HS6ST3: variants seen among roughly 807,000 people sequenced by gnomAD.
The protein encoded by HS6ST3 is heparan-sulfate 6-O-sulfotransferase 3.
Under a neutral mutation model 36.7 loss-of-function variants are expected in HS6ST3, and 12 were observed. The ratio of observed to expected loss-of-function variants is 0.33; its 90% CI spans 0.21 to 0.53. The LOEUF (loss-of-function observed/expected upper bound fraction) is 0.53, where lower values mean the gene tolerates loss of function less well. HS6ST3 is among the 20% of genes least tolerant of loss of function. The pLI is 0.95. For synonymous variants in HS6ST3, 240 were observed against 257.5 expected (o/e 0.93, Z 0.65); for missense variants, 584 against 640.9 (o/e 0.91, Z 0.96).
chr13:96,547,902 T>C (rs1201650022), intron 1 of HS6ST3, among the ~76,000 whole-genome samples: 2 of 151,998 alleles, frequency 1.3e-5, no homozygotes, highest in Admixed American at 6.6e-5. Context: ...CTTAGAGATT[T>C]GCTTGAAAGA....
intron 1 of HS6ST3, among the ~76,000 whole-genome samples, chr13:96,357,482 G>A (rs1159044028): frequency 1.3e-5 from 2 of 152,198 alleles, no homozygotes; most frequent in Non-Finnish European, 2.9e-5. Flanking sequence ...TGTGTCTCAG[G>A]GAATAGAGAG....
intron 1 of HS6ST3, among the ~76,000 whole-genome samples, chr13:96,779,575 A>C (rs1287757628): frequency 6.6e-6 from 1 of 152,042 alleles, no homozygotes; most frequent in Non-Finnish European, 1.5e-5. Context: ...CGAGCAGGAC[A>C]TACGTGCCAA....
intron 1 of HS6ST3, among the ~76,000 whole-genome samples, chr13:96,347,317 A>C (rs1480834743): frequency 6.6e-6 from 1 of 152,226 alleles, no homozygotes; most frequent in Non-Finnish European, 1.5e-5. Context: ...TGGAGTTGCC[A>C]ACAAAAGCAC....
intron 1 of HS6ST3, among the ~76,000 whole-genome samples, chr13:96,180,153 G>T (rs1218663064): frequency 6.6e-6 from 1 of 151,982 alleles, no homozygotes; most frequent in African/African-American, 2.4e-5. Flanking sequence ...CTGCTTTTAG[G>T]ATGCAATTGT....
chr13:96,707,689 C>A (rs915436146), intron 1 of HS6ST3, among the ~76,000 whole-genome samples: 1 of 152,124 alleles, frequency 6.6e-6, no homozygotes, highest in South Asian at 2.1e-4. Context: ...AGTCAGGCAC[C>A]TTTGACATTT....
intron 1 of HS6ST3, among the ~76,000 whole-genome samples, chr13:96,741,712 A>G (rs558518823): frequency 3.9e-4 from 60 of 152,320 alleles, no homozygotes; most frequent in Non-Finnish European, 7.5e-4. Context: ...TGGAAAATAA[A>G]TAGAAGAAAA....
rs79282426 is a variant in HS6ST3 at position 96,802,210 on chromosome 13, C to T, written c.708-30280C>T. Among the ~76,000 whole-genome samples the T allele has an allele frequency of 8.2e-3, 1,245 of 152,168 alleles. 23 individuals are homozygous for T. Among genetic ancestry groups the T allele is most frequent in the African/African-American group, 0.027 (1,131 of 41,520 alleles). On this transcript the variant is annotated intron_variant, in intron 1 of 1. Coordinates refer to ENST00000376705, the MANE Select transcript of HS6ST3 (RefSeq NM_153456.4). Reference sequence around the variant, plus strand: ...TTTACAGCAATGGACCCATTGTTAACGGCCTAGACCTATCAGGATTTACGT... The same window carrying T: ...TTTACAGCAATGGACCCATTGTTAATGGCCTAGACCTATCAGGATTTACGT...
intron 1 of HS6ST3, among the ~76,000 whole-genome samples, chr13:96,495,529 T>C (rs958893451): frequency 6.6e-6 from 1 of 152,094 alleles, no homozygotes; most frequent in Non-Finnish European, 1.5e-5. Context: ...AGTGGGGAGA[T>C]TGTTCTTTTT....
chr13:96,245,694 C>G (rs546335990), intron 1 of HS6ST3, among the ~76,000 whole-genome samples: 1 of 152,196 alleles, frequency 6.6e-6, no homozygotes, highest in East Asian at 1.9e-4. Context: ...ACTAGACACC[C>G]CATACAAACT....
intron 1 of HS6ST3, among the ~76,000 whole-genome samples, chr13:96,559,071 A>AATCT (rs3051060): frequency 0.015 from 2,139 of 147,516 alleles, 17 homozygotes; most frequent in South Asian, 0.021. Flanking sequence ...GAATCTATAT[A>AATCT]ATCTATCTAT....
chr13:96,739,938 A>G (rs1309838697), intron 1 of HS6ST3, among the ~76,000 whole-genome samples: 3 of 152,026 alleles, frequency 2.0e-5, no homozygotes, highest in African/African-American at 7.2e-5. Flanking sequence ...TCTGGATGCT[A>G]TTTCCCAATA....
At chr13:96,122,286 A>G (rs2053929702) in intron 1 of HS6ST3, among the ~76,000 whole-genome samples, 1 of 151,974 alleles carries the variant, frequency 6.6e-6, no homozygotes, top group Non-Finnish European at 1.5e-5. Context: ...ATATATATTT[A>G]CTTCTTTCCA....
intron 1 of HS6ST3, among the ~76,000 whole-genome samples, chr13:96,391,794 G>T (rs569609657): frequency 6.6e-6 from 1 of 152,140 alleles, no homozygotes; most frequent in Non-Finnish European, 1.5e-5. Context: ...CTGCACCCAC[G>T]ATTCAATCAC....
At chr13:96,512,294 G>A (rs1490603248) in intron 1 of HS6ST3, among the ~76,000 whole-genome samples, 2 of 152,112 alleles carry the variant, frequency 1.3e-5, no homozygotes, top group Non-Finnish European at 1.5e-5. Flanking sequence ...TATGACTCTG[G>A]TATATTCTAA....
chr13:96,217,847 G>T (rs932928970), intron 1 of HS6ST3, among the ~76,000 whole-genome samples: 1 of 152,048 alleles, frequency 6.6e-6, no homozygotes, highest in Non-Finnish European at 1.5e-5. Flanking sequence ...TGTATAGTTA[G>T]ATACATAAAT....
intron 1 of HS6ST3, among the ~76,000 whole-genome samples, chr13:96,355,365 AC>A (rs1766170462): frequency 2.1e-5 from 1 of 48,666 alleles, no homozygotes; most frequent in African/African-American, 1.1e-4. Context: ...AGTTACACAC[AC>A]ACACACACAC....
At chr13:96,478,368 G>A (rs1055359090) in intron 1 of HS6ST3, among the ~76,000 whole-genome samples, 3 of 152,118 alleles carry the variant, frequency 2.0e-5, no homozygotes, top group Non-Finnish European at 4.4e-5. Flanking sequence ...AGTCATCGCC[G>A]GAGTCCTAAG....
At chr13:96,169,437 C>T (rs755035549) in intron 1 of HS6ST3, 4 of 152,492 alleles carry the variant, frequency 2.6e-5, no homozygotes, top group African/African-American at 7.2e-5. Context: ...AATCACAGAG[C>T]GGAAAGGATC....
chr13:96,266,586 G>C (rs894457809), intron 1 of HS6ST3, among the ~76,000 whole-genome samples: 10 of 152,222 alleles, frequency 6.6e-5, no homozygotes, highest in African/African-American at 2.2e-4. Context: ...TTAATTGACA[G>C]AACAAAGGGC....
Sources: allele counts gnomAD v4.1 joint callset (sites outside exome capture counted in the v4.1 genomes callset), GRCh38; gene constraint gnomAD v4.1.1; transcripts MANE v1.5; gene names NCBI Gene and HGNC (gene_info 2026-07-23, HGNC 2026-07-21).